Variants in LRBA observed in about 807,000 individuals in gnomAD.
LRBA encodes the protein LPS responsive beige-like anchor protein.
A neutral mutation model predicts 330.0 loss-of-function variants in LRBA; 176 were observed. The ratio of observed to expected loss-of-function variants is 0.53; its 90% confidence interval spans 0.47 to 0.60. The LOEUF (loss-of-function observed/expected upper bound fraction) is 0.60. LRBA is among the 20% of genes least tolerant of loss of function. The probability of loss-of-function intolerance (pLI) is 0.00; values close to 1 mark genes in which losing one functional copy is unlikely to be tolerated. For synonymous variants in LRBA, 1,230 were observed against 1,193.0 expected, an observed-to-expected ratio of 1.03 and a Z score of -0.64; for missense variants, 3,259 against 3,444.8, an observed-to-expected ratio of 0.95 and a Z score of 1.35.
chr4:151,008,789 G>A (rs1171881090), intron 2 of LRBA, among the ~76,000 whole-genome samples: 4 of 150,174 alleles, frequency 2.7e-5, no homozygotes, highest in Non-Finnish European at 5.9e-5. Context: ...TCTAGCCAAC[G>A]TGGTGAAACG....
intron 37 of LRBA, among the ~76,000 whole-genome samples, chr4:150,637,643 A>G (rs1335918399): frequency 6.6e-6 from 1 of 152,166 alleles, no homozygotes; most frequent in Non-Finnish European, 1.5e-5. Flanking sequence ...TCCCTGTGGC[A>G]AAGAACTCAG....
chr4:150,310,599 A>G (rs896403281), intron 51 of LRBA: 5 of 464,566 alleles, frequency 1.1e-5, no homozygotes, highest in Non-Finnish European at 1.9e-5. Context: ...CTTAGAGGAA[A>G]GAAAGAATAA....
Position 150,963,820 on chromosome 4 carries a change from G to A in LRBA, c.217-34755C>T, listed in dbSNP as rs970232504. On this transcript the variant is annotated intron_variant, in intron 2 of 56. Coordinates refer to ENST00000651943, the MANE Select transcript of LRBA (RefSeq NM_001364905.1). ...CCCCCCAGTCTGGGAAGTGAGGAGC[G>A]CCTCTTCCCGGCAGTCATCCCGTCT... 4.9e-4 allele frequency among the ~76,000 whole-genome samples: 72 copies of A among 147,142 alleles called. 1 individual carries two copies. The highest frequency in any genetic ancestry group is 8.0e-4 in the Non-Finnish European group (54 of 67,770).
At chr4:150,921,089 A>G in intron 5 of LRBA, 109 bp downstream of exon 5, 1 of 662,120 alleles carries the variant, frequency 1.5e-6, no homozygotes, top group South Asian at 2.1e-5. Context: ...TATGTTGAGC[A>G]GAAGTTTCTA....
chr4:150,809,013 G>T (rs1743214185), intron 31 of LRBA, among the ~76,000 whole-genome samples: 1 of 152,134 alleles, frequency 6.6e-6, no homozygotes, highest in Non-Finnish European at 1.5e-5. Context: ...GTCCAAAAGT[G>T]ATTAGAAACA....
chr4:150,656,131 T>A (rs1270530497), intron 37 of LRBA, among the ~76,000 whole-genome samples: 2 of 152,212 alleles, frequency 1.3e-5, no homozygotes, highest in South Asian at 2.1e-4. Context: ...ATACCACTCA[T>A]CCTAATTGTA....
At position 150,654,943 on chromosome 4, in the gene LRBA, T is replaced by C. The variant is rs1013337843; in HGVS notation, c.5921+28608A>G. 7.2e-5 allele frequency among the ~76,000 whole-genome samples: 11 copies of C among 152,192 alleles called. 1 individual carries two copies. Among genetic ancestry groups the C allele is most frequent in the African/African-American group, 2.2e-4 (9 of 41,448 alleles). ...CACATTTTCTTAATCCAGTCTATCA[T>C]TGTTGGACATTTGGGTTGGTTCCAA... On this transcript the variant is annotated intron_variant, in intron 37 of 56. Transcript: ENST00000651943.
At chr4:150,358,436 G>A (rs960994547) in intron 47 of LRBA, among the ~76,000 whole-genome samples, 5 of 151,972 alleles carry the variant, frequency 3.3e-5, no homozygotes, top group African/African-American at 1.2e-4. Context: ...TTCTCACATA[G>A]ATAAATATGC....
intron 22 of LRBA, among the ~76,000 whole-genome samples, chr4:150,864,860 T>TG (rs1487619692): frequency 6.6e-6 from 1 of 152,136 alleles, no homozygotes; most frequent in Admixed American, 6.6e-5. Context: ...TTGGCCAGGC[T>TG]GGTCCTGAAC....
chr4:150,415,681 A>G lies in LRBA; in HGVS notation c.7042-91T>C. The G allele has an allele frequency of 5.3e-6, 4 of 755,750 alleles. No individual in the cohort carries two copies. The South Asian group carries it at 8.3e-5, about 16-fold the overall frequency. The allele number at this position is 755,750 out of a possible 1,614,324, so 46.8% of individuals were successfully genotyped here. ...AGGACCTGATCATTTTCTATTGTTCAGAAGAACAAAATAAACACAGGGAAT... is the reference window on the plus strand; with the variant it reads ...AGGACCTGATCATTTTCTATTGTTCGGAAGAACAAAATAAACACAGGGAAT... On this transcript the variant is annotated intron_variant, in intron 46 of 56. Transcript: ENST00000651943.
intron 2 of LRBA, among the ~76,000 whole-genome samples, chr4:151,005,174 C>T (rs76746425): frequency 0.11 from 17,235 of 151,678 alleles, 1,397 homozygotes; most frequent in South Asian, 0.29. Context: ...TGGCCGGGCA[C>T]GGTGGCTCAC....
Position 150,350,016 on chromosome 4 carries a change from T to C in LRBA, c.7338A>G (p.Ser2446=), listed in dbSNP as rs370640427. The change falls in exon 48 of 57, where the codon TCA becomes TCG. Residue 2446 remains serine, a synonymous_variant. Coordinates refer to ENST00000651943, the MANE Select transcript of LRBA (RefSeq NM_001364905.1). ...CCTCTCTCAACACAGGATCAGTTATTGAATTCAGATTGACAGCTCCTTCAT... is the reference window on the plus strand; with the variant it reads ...CCTCTCTCAACACAGGATCAGTTATCGAATTCAGATTGACAGCTCCTTCAT... ...LTYEGAVNLN[S]ITDPVLREAV... is the part of the protein sequence containing the mutation. 6.2e-7 allele frequency: 1 copy of C among 1,613,678 alleles called. No individual in the cohort carries two copies. Among genetic ancestry groups the C allele is most frequent in the Non-Finnish European group, 8.5e-7 (1 of 1,179,818 alleles).
In LRBA at chr4:150,590,878, A is replaced by G. The variant is rs376357249; in HGVS notation, c.6047-19T>C. The G allele has an allele frequency of 6.7e-5, 108 of 1,612,756 alleles. 1 individual carries two copies. The highest frequency in any genetic ancestry group is 5.7e-4 in the Admixed American group (34 of 59,928). ...TCTGTGGCTGAAATGAAAAGGAAAC[A>G]AAGCTGTCCATCAGTTCTGGGAAGA... On this transcript the variant is annotated intron_variant, in intron 38 of 56. Transcript: ENST00000651943.
intron 36 of LRBA, among the ~76,000 whole-genome samples, chr4:150,716,031 A>G (rs1728155886): frequency 6.6e-6 from 1 of 152,238 alleles, no homozygotes; most frequent in Admixed American, 6.5e-5. Flanking sequence ...TTCTGATGAT[A>G]TAGCTCGAAA....
chr4:150,947,050 A>ATAAT (rs1736325434), intron 2 of LRBA, among the ~76,000 whole-genome samples: 1 of 152,040 alleles, frequency 6.6e-6, no homozygotes, highest in African/African-American at 2.4e-5. Context: ...GAATAATCCT[A>ATAAT]TAATTATTAA....
intron 2 of LRBA, among the ~76,000 whole-genome samples, chr4:151,011,463 T>G (rs1409605213): frequency 6.6e-6 from 1 of 152,060 alleles, no homozygotes; most frequent in African/African-American, 2.4e-5. Context: ...TCGGGCCTCA[T>G]GGCGCACGCC....
At chr4:150,517,851 A>T (rs1762525670) in intron 40 of LRBA, among the ~76,000 whole-genome samples, 1 of 152,216 alleles carries the variant, frequency 6.6e-6, no homozygotes, top group Non-Finnish European at 1.5e-5. Flanking sequence ...CTCAATTGTC[A>T]TCAGTTGGAA....
intron 47 of LRBA, among the ~76,000 whole-genome samples, chr4:150,373,160 T>C (rs1740683796): frequency 6.8e-6 from 1 of 146,988 alleles, no homozygotes. Context: ...TGTGTGTGTG[T>C]GTGTGTGTGT....
At chr4:150,523,304 A>T (rs1003647454) in intron 40 of LRBA, among the ~76,000 whole-genome samples, 7 of 152,120 alleles carry the variant, frequency 4.6e-5, no homozygotes, top group Admixed American at 1.3e-4. Context: ...TGATCAAGTC[A>T]TGAGGGCTCT....
Sources: gnomAD v4.1 joint callset for allele counts (sites outside exome capture counted in the v4.1 genomes callset) on GRCh38, gnomAD v4.1.1 for gene constraint, MANE v1.5 for transcripts, NCBI Gene and HGNC (gene_info 2026-07-23, HGNC 2026-07-21) for gene names.